The following FBXW2 variants were observed in gnomAD, a reference collection of about 807,000 sequenced individuals.
FBXW2 encodes F-box/WD repeat-containing protein 2.
A neutral mutation model predicts 46.0 loss-of-function variants in FBXW2; 12 were observed. That is an observed-to-expected ratio of 0.26 (90% CI 0.17 to 0.42). The LOEUF (loss-of-function observed/expected upper bound fraction) is 0.42, where lower values mean the gene tolerates loss of function less well. Among genes scored for constraint, FBXW2 ranks in the 10% least tolerant of loss-of-function variants. FBXW2 has a pLI of 1.00. For missense variants in FBXW2, 360 were observed against 537.0 expected (o/e 0.67, Z 3.26); for synonymous variants, 203 against 209.6 (o/e 0.97, Z 0.27).
At position 120,761,136 on chromosome 9, in the gene FBXW2, G is replaced by C. The variant is rs554601703; in HGVS notation, c.*3423C>G. On this transcript the variant is annotated 3_prime_UTR_variant, in exon 8 of 8. Coordinates refer to ENST00000608872, the MANE Select transcript of FBXW2 (RefSeq NM_012164.4). The stretch of plus-strand genomic sequence containing the variant: ...CCTATTTCTCCAATAGGTCTAAAAT[G>C]TCAGGTTACAGTCAGATTTGGCAAT... The C allele has an allele frequency of 1.3e-5, 2 of 152,180 alleles. No individual in the cohort carries two copies. Among genetic ancestry groups the C allele is most frequent in the African/African-American group, 4.8e-5 (2 of 41,442 alleles). The allele number at this position is 152,180 out of a possible 1,614,324, so 9.4% of individuals were successfully genotyped here. A position where few individuals can be genotyped will look rare whatever the true frequency, so the allele number is the denominator to read the frequency against.
At chr9:120,775,925 G>A (rs936255766) in intron 5 of FBXW2, among the ~76,000 whole-genome samples, 168 bp downstream of exon 5, 1 of 152,136 alleles carries the variant, frequency 6.6e-6, no homozygotes, top group Non-Finnish European at 1.5e-5. Flanking sequence ...GTTAAACCAT[G>A]TATTAAGTAC....
chr9:120,793,016 C>A (rs769283864), intron 2 of FBXW2, 133 bp downstream of exon 2: 6 of 1,472,014 alleles, frequency 4.1e-6, no homozygotes, highest in Non-Finnish European at 5.5e-6. Context: ...CATTTCGCAG[C>A]TAAGGAAATG....
intron 2 of FBXW2, among the ~76,000 whole-genome samples, chr9:120,790,755 C>A (rs1262113958): frequency 6.6e-6 from 1 of 152,090 alleles, no homozygotes; most frequent in Non-Finnish European, 1.5e-5. Context: ...CTATAATATG[C>A]CAAATTCACA....
chr9:120,777,835 T>G (rs2044530905), intron 4 of FBXW2, among the ~76,000 whole-genome samples: 1 of 152,062 alleles, frequency 6.6e-6, no homozygotes, highest in African/African-American at 2.4e-5. Context: ...GTATGTTTCT[T>G]TCGCCTTATC....
chr9:120,764,482 G>T lies in FBXW2; in HGVS notation c.*77C>A. 6.7e-7 allele frequency: 1 copy of T among 1,489,420 alleles called. No homozygotes were observed. The highest frequency in any genetic ancestry group is 9.2e-7 in the Non-Finnish European group (1 of 1,090,866). The allele number at this position is 1,489,420 out of a possible 1,614,324, so 92.3% of individuals were successfully genotyped here. A position where few individuals can be genotyped will look rare whatever the true frequency, so the allele number is the denominator to read the frequency against. ...TTAGGTGAGAACTTTGGTTCATGCAGTCGGCTGCCGCAGAGGTTGCACCCA... is the reference window on the plus strand; with the variant it reads ...TTAGGTGAGAACTTTGGTTCATGCATTCGGCTGCCGCAGAGGTTGCACCCA... On this transcript the variant is annotated 3_prime_UTR_variant, in exon 8 of 8. Coordinates refer to ENST00000608872, the MANE Select transcript of FBXW2 (RefSeq NM_012164.4).
chr9:120,791,321 C>T (rs1364977258), intron 2 of FBXW2, among the ~76,000 whole-genome samples: 3 of 152,206 alleles, frequency 2.0e-5, no homozygotes, highest in African/African-American at 4.8e-5. Context: ...TTACCACGAA[C>T]AGTCAAGGAC....
intron 2 of FBXW2, among the ~76,000 whole-genome samples, chr9:120,790,255 C>A (rs1008226271): frequency 6.6e-6 from 1 of 152,112 alleles, no homozygotes; most frequent in East Asian, 1.9e-4. Flanking sequence ...GAGGTGGGCT[C>A]GGCCGGATCA....
At position 120,764,666 on chromosome 9, in the gene FBXW2, C is replaced by T. The variant is rs2044242666; in HGVS notation, c.1258G>A (p.Ala420Thr). The T allele has an allele frequency of 1.9e-6, 3 of 1,614,110 alleles. No homozygotes were observed. The highest frequency in any genetic ancestry group is 2.5e-6 in the Non-Finnish European group (3 of 1,180,044). ...KRGSSFLAGE[A>T]SWLNGLDGHN... is the part of the protein sequence containing the mutation. ...CCATCCAGTCCATTCAGCCAGGATG[C>T]TTCGCCTGCCAGGAAGCTTGAGCCT... Residue 420 changes from alanine (A) to threonine (T), a missense_variant, in exon 8 of 8, where the codon GCA (alanine) becomes ACA (threonine). Ala to Thr is a moderately conservative substitution (Grantham distance 58). Coordinates refer to ENST00000608872, the MANE Select transcript of FBXW2 (RefSeq NM_012164.4).
At chr9:120,790,955 A>T (rs1286936650) in intron 2 of FBXW2, among the ~76,000 whole-genome samples, 3 of 152,174 alleles carry the variant, frequency 2.0e-5, no homozygotes, top group African/African-American at 4.8e-5. Flanking sequence ...AATAAAAAAA[A>T]TTTTCCCAAC....
At chr9:120,773,969 C>T (rs2044435267) in intron 5 of FBXW2, among the ~76,000 whole-genome samples, 1 of 152,152 alleles carries the variant, frequency 6.6e-6, no homozygotes, top group South Asian at 2.1e-4. Context: ...GGAGGGAGGA[C>T]TGCTTGAGGC....
intron 7 of FBXW2, 108 bp from the exon 8 acceptor site, chr9:120,764,955 T>C (rs2044248431): frequency 3.3e-6 from 3 of 912,478 alleles, no homozygotes; most frequent in Non-Finnish European, 3.2e-6. Context: ...TTCAAGCAAA[T>C]TTAGAGTTAA....
rs1215296245 is a variant in FBXW2, at chr9:120,761,459, A to G, written c.*3100T>C. 1 of 152,224 alleles carries G rather than the reference A, an allele frequency of 6.6e-6. No homozygotes were observed. The highest frequency in any genetic ancestry group is 1.9e-4 in the East Asian group (1 of 5,204). The allele number at this position is 152,224 out of a possible 1,614,324, so 9.4% of individuals were successfully genotyped here. A position where few individuals can be genotyped will look rare whatever the true frequency, so the allele number is the denominator to read the frequency against. ...AGAGGGAAAGGCAATTCCCTTACCTATGCGCTAAGGAAGCCAAAGTCAGTG... is the reference window on the plus strand; with the variant it reads ...AGAGGGAAAGGCAATTCCCTTACCTGTGCGCTAAGGAAGCCAAAGTCAGTG... On this transcript the variant is annotated 3_prime_UTR_variant, in exon 8 of 8. Coordinates refer to ENST00000608872, the MANE Select transcript of FBXW2 (RefSeq NM_012164.4).
rs1447295366 is a variant in FBXW2, at chr9:120,761,347, T to C, written c.*3212A>G. ...CGCTGGCTTCCACCACACCACAGTG[T>C]CACCCAAGAAATCCAATCCTTGTAA... On this transcript the variant is annotated 3_prime_UTR_variant, in exon 8 of 8. Coordinates refer to ENST00000608872, the MANE Select transcript of FBXW2 (RefSeq NM_012164.4). 6.6e-6 allele frequency: 1 copy of C among 152,180 alleles called. No homozygotes were observed. Among genetic ancestry groups the C allele is most frequent in the African/African-American group, 2.4e-5 (1 of 41,450 alleles). The allele number at this position is 152,180 out of a possible 1,614,324, so 9.4% of individuals were successfully genotyped here.
At chr9:120,767,779 T>A (rs2044301276) in intron 7 of FBXW2, among the ~76,000 whole-genome samples, 1 of 152,188 alleles carries the variant, frequency 6.6e-6, no homozygotes, top group African/African-American at 2.4e-5. Flanking sequence ...GTGGCAACCA[T>A]CCAATTCTCC....
intron 7 of FBXW2, among the ~76,000 whole-genome samples, chr9:120,770,938 C>A (rs2044364181): frequency 6.6e-6 from 1 of 152,186 alleles, no homozygotes; most frequent in African/African-American, 2.4e-5. Flanking sequence ...AACAGAAGGT[C>A]ACTTGATCCC....
chr9:120,792,995 C>A, intron 2 of FBXW2, 154 bp downstream of exon 2: 1 of 1,524,140 alleles, frequency 6.6e-7, no homozygotes, highest in Non-Finnish European at 8.8e-7. Context: ...CCTGGGACAT[C>A]ACTGTTAACT....
rs943636988 is a variant in FBXW2 at position 120,762,064 on chromosome 9, G to C, written c.*2495C>G. ...CGATAAAAAGTAAAAACTCGGCCAG[G>C]CGTGGTGGCTCACGCCTGTAATCCC... On this transcript the variant is annotated 3_prime_UTR_variant, in exon 8 of 8. Coordinates refer to ENST00000608872, the MANE Select transcript of FBXW2 (RefSeq NM_012164.4). The C allele has an allele frequency of 6.6e-6, 1 of 152,306 alleles. No homozygotes were observed. Among genetic ancestry groups the C allele is most frequent in the Non-Finnish European group, 1.5e-5 (1 of 68,140 alleles). 9.4% of individuals were successfully genotyped at this position (152,306 alleles called of 1,614,324 possible). A position where few individuals can be genotyped will look rare whatever the true frequency, so the allele number is the denominator to read the frequency against.
At chr9:120,779,814 C>T (rs2044571965) in intron 3 of FBXW2, among the ~76,000 whole-genome samples, 2 of 152,066 alleles carry the variant, frequency 1.3e-5, no homozygotes, top group African/African-American at 2.4e-5. Flanking sequence ...AAATATAATG[C>T]AAACTGCAGA....
intron 3 of FBXW2, among the ~76,000 whole-genome samples, chr9:120,780,914 T>G (rs2044597817): frequency 6.6e-6 from 1 of 152,114 alleles, no homozygotes; most frequent in Non-Finnish European, 1.5e-5. Flanking sequence ...CTCCACTGAA[T>G]TTATGACCAT....
Sources: allele counts gnomAD v4.1 joint callset (sites outside exome capture counted in the v4.1 genomes callset), GRCh38; gene constraint gnomAD v4.1.1; transcripts MANE v1.5; gene names NCBI Gene and HGNC (gene_info 2026-07-23, HGNC 2026-07-21).